Variants in CSMD1 observed in about 807,000 individuals in gnomAD.
The protein encoded by CSMD1 is CUB and sushi domain-containing protein 1.
A neutral mutation model predicts 417.5 loss-of-function variants in CSMD1; 213 were observed. The ratio of observed to expected loss-of-function variants is 0.51; its 90% CI spans 0.46 to 0.57. The LOEUF is 0.57. CSMD1 is among the 20% of genes least tolerant of loss of function. The pLI, the probability that CSMD1 is intolerant of heterozygous loss-of-function variation, is 0.00. For synonymous variants in CSMD1, 2,862 were observed against 1,736.8 expected, an observed-to-expected ratio of 1.65 and a Z score of -16.11; for missense variants, 6,923 against 4,529.7, an observed-to-expected ratio of 1.53 and a Z score of -15.17.
At chr8:4,826,762 C>T (rs1799855566) in intron 1 of CSMD1, among the ~76,000 whole-genome samples, 1 of 152,164 alleles carries the variant, frequency 6.6e-6, no homozygotes. Context: ...CTGTTTTAAA[C>T]ATAGGAGCTC....
At chr8:4,410,111 G>T (rs190813982) in intron 3 of CSMD1, among the ~76,000 whole-genome samples, 1 of 152,134 alleles carries the variant, frequency 6.6e-6, no homozygotes, top group Non-Finnish European at 1.5e-5. Context: ...ACCGTACCCG[G>T]TCCCATACTT....
intron 7 of CSMD1, among the ~76,000 whole-genome samples, chr8:3,674,680 C>A (rs1379346034): frequency 6.6e-6 from 1 of 151,970 alleles, no homozygotes. Flanking sequence ...AGCCATATAA[C>A]CAGCAGAGGC....
intron 5 of CSMD1, among the ~76,000 whole-genome samples, chr8:3,846,169 C>G (rs10096915): frequency 0.32 from 48,999 of 152,040 alleles, 8,047 homozygotes; most frequent in Non-Finnish European, 0.34. Flanking sequence ...ATGCATGGTA[C>G]ATAAGTGTAT....
intron 4 of CSMD1, among the ~76,000 whole-genome samples, chr8:4,027,440 G>A (rs1442773364): frequency 6.6e-6 from 1 of 152,010 alleles, no homozygotes; most frequent in Non-Finnish European, 1.5e-5. Context: ...ATGGGGGTGG[G>A]TCCTCCATGC....
intron 18 of CSMD1, among the ~76,000 whole-genome samples, chr8:3,384,908 C>T (rs1810894401): frequency 8.5e-6 from 1 of 117,742 alleles, no homozygotes; most frequent in African/African-American, 3.4e-5. Context: ...ATTATATATG[C>T]TTATATATTA....
intron 37 of CSMD1, among the ~76,000 whole-genome samples, chr8:3,164,540 T>A (rs1190377756): frequency 6.6e-6 from 1 of 152,196 alleles, no homozygotes; most frequent in African/African-American, 2.4e-5. Flanking sequence ...TTAAATCCCA[T>A]CTTTTCTTTC....
At chr8:3,249,900 A>G (rs1800144350) in intron 26 of CSMD1, among the ~76,000 whole-genome samples, 1 of 152,210 alleles carries the variant, frequency 6.6e-6, no homozygotes, top group African/African-American at 2.4e-5. Context: ...GCTATTGCAA[A>G]GCCAACTAAA....
chr8:4,886,404 T>C (rs1803743481), intron 1 of CSMD1, among the ~76,000 whole-genome samples: 1 of 152,030 alleles, frequency 6.6e-6, no homozygotes, highest in African/African-American at 2.4e-5. Flanking sequence ...TTTTTCTTGA[T>C]AATGTTTTGT....
intron 11 of CSMD1, among the ~76,000 whole-genome samples, chr8:3,471,676 C>CCCTT (rs1286832868): frequency 4.3e-5 from 6 of 140,046 alleles, no homozygotes; most frequent in South Asian, 2.7e-4. Context: ...CTCCCTCCCT[C>CCCTT]CCTTCCTTCC....
rs904336312 is a variant in CSMD1, at chr8:4,759,804, G to C, written c.86-122246C>G. Among the ~76,000 whole-genome samples, 7 of 152,148 alleles carry C rather than the reference G, an allele frequency of 4.6e-5. No homozygotes were observed. The East Asian group carries it at 7.7e-4, about 17-fold the overall frequency. Reference sequence around the variant, plus strand: ...ACATATGTACCAGTTTCTTTATCCAGTGTGTCACTGATGGACATTTGGGTT... The same window carrying C: ...ACATATGTACCAGTTTCTTTATCCACTGTGTCACTGATGGACATTTGGGTT... On this transcript the variant is annotated intron_variant, in intron 1 of 69. Transcript: ENST00000635120.
At chr8:4,442,011 T>A (rs932827257) in intron 2 of CSMD1, among the ~76,000 whole-genome samples, 10 of 152,190 alleles carry the variant, frequency 6.6e-5, no homozygotes, top group Non-Finnish European at 1.2e-4. Context: ...CCTGAGTCAT[T>A]TCTATGTCCC....
intron 10 of CSMD1, among the ~76,000 whole-genome samples, chr8:3,544,447 G>C (rs373586016): frequency 6.6e-6 from 1 of 151,872 alleles, no homozygotes; most frequent in East Asian, 1.9e-4. Context: ...TCTTACTCTC[G>C]GGAACGCCTT....
At chr8:3,118,642 C>A in intron 41 of CSMD1, 55 bp from the exon 42 acceptor site, 2 of 1,517,068 alleles carry the variant, frequency 1.3e-6, no homozygotes, top group African/African-American at 1.4e-5. Flanking sequence ...TAAATTACTT[C>A]GGAATTTGCA....
chr8:3,342,669 T>C (rs1342265596), intron 23 of CSMD1, among the ~76,000 whole-genome samples: 2 of 152,180 alleles, frequency 1.3e-5, no homozygotes, highest in Non-Finnish European at 2.9e-5. Context: ...TCCACATTGA[T>C]TTGTTCATAC....
chr8:4,782,488 G>A (rs1429556164), intron 1 of CSMD1, among the ~76,000 whole-genome samples: 3 of 152,006 alleles, frequency 2.0e-5, no homozygotes, highest in Non-Finnish European at 4.4e-5. Context: ...CTTATTTAAG[G>A]ACCAGAATTG....
chr8:3,176,021 T>C (rs183391960), intron 37 of CSMD1, among the ~76,000 whole-genome samples: 122 of 152,236 alleles, frequency 8.0e-4, no homozygotes, highest in Admixed American at 1.7e-3. Flanking sequence ...AGGATATTAA[T>C]TTTGGATAGA....
At chr8:4,297,551 A>C (rs1444513960) in intron 3 of CSMD1, among the ~76,000 whole-genome samples, 2 of 152,172 alleles carry the variant, frequency 1.3e-5, no homozygotes, top group East Asian at 3.9e-4. Context: ...TGATCAATTT[A>C]TAATGCTAAA....
intron 1 of CSMD1, among the ~76,000 whole-genome samples, chr8:4,891,896 A>G (rs1039046465): frequency 1.3e-5 from 2 of 152,144 alleles, no homozygotes; most frequent in African/African-American, 4.8e-5. Flanking sequence ...ATTAGATTCT[A>G]TTTTAGCAAA....
intron 2 of CSMD1, among the ~76,000 whole-genome samples, chr8:4,478,389 A>C (rs1435380410): frequency 6.6e-6 from 1 of 152,230 alleles, no homozygotes; most frequent in Admixed American, 6.5e-5. Flanking sequence ...ACACAAGTCC[A>C]AAGTATTGAA....
Sources: gnomAD v4.1 joint callset for allele counts (sites outside exome capture counted in the v4.1 genomes callset) on GRCh38, gnomAD v4.1.1 for gene constraint, MANE v1.5 for transcripts, NCBI Gene and HGNC (gene_info 2026-07-23, HGNC 2026-07-21) for gene names.